The following PTPRG variants were observed in gnomAD, a reference collection of about 807,000 sequenced individuals.
The protein encoded by PTPRG is protein tyrosine phosphatase receptor type G.
In PTPRG, 102 loss-of-function variants were observed where a neutral mutation model predicts 165.3. That is an observed-to-expected ratio of 0.62 (90% CI 0.53 to 0.73). PTPRG has a LOEUF of 0.73. Among genes scored for constraint, PTPRG ranks in the 30% least tolerant of loss-of-function variants. The probability of loss-of-function intolerance (pLI) is 0.00; values close to 1 mark genes in which losing one functional copy is unlikely to be tolerated. For missense variants in PTPRG, 1,866 were observed against 1,861.4 expected (o/e 1.00, Z -0.05); for synonymous variants, 675 against 669.5 (o/e 1.01, Z -0.13).
chr3:62,157,250 TTC>T, intron 7 of PTPRG, 26 bp downstream of exon 7: 1 of 1,607,014 alleles, frequency 6.2e-7, no homozygotes, highest in East Asian at 2.2e-5. Context: ...CAAGTGGGGT[TTC>T]TGTGTTTACT....
chr3:61,575,140 A>G (rs1700146734), intron 1 of PTPRG, among the ~76,000 whole-genome samples: 1 of 152,322 alleles, frequency 6.6e-6, no homozygotes, highest in South Asian at 2.1e-4. Context: ...TTTTAGAAGA[A>G]CACGTCAGTT....
rs141752388 is a variant in PTPRG at position 61,921,701 on chromosome 3, T to A, written c.191-67924T>A. On this transcript the variant is annotated intron_variant, in intron 2 of 29. Transcript: ENST00000474889. ...CTCTCACATTTAGACTCAAGATTTC[T>A]AAGATATCTCATTATTTATTTGAAA... Among the ~76,000 whole-genome samples the A allele has an allele frequency of 6.5e-3, 997 of 152,332 alleles. 8 individuals are homozygous for A. Among genetic ancestry groups the A allele is most frequent in the African/African-American group, 0.022 (931 of 41,570 alleles).
intron 2 of PTPRG, among the ~76,000 whole-genome samples, chr3:61,754,062 A>C (rs1441308668): frequency 1.3e-5 from 2 of 152,152 alleles, no homozygotes; most frequent in Admixed American, 1.3e-4. Context: ...GTGTAGAAAT[A>C]GCTTCTAAGA....
chr3:61,916,619 TA>T (rs2038942281), intron 2 of PTPRG, among the ~76,000 whole-genome samples: 1 of 152,222 alleles, frequency 6.6e-6, no homozygotes, highest in African/African-American at 2.4e-5. Flanking sequence ...TTAAATCTGT[TA>T]TTGTTATTAT....
intron 1 of PTPRG, among the ~76,000 whole-genome samples, chr3:61,592,839 G>T (rs573298956): frequency 9.9e-5 from 15 of 152,218 alleles, no homozygotes; most frequent in Non-Finnish European, 1.9e-4. Flanking sequence ...TCCCATAAAA[G>T]CCGTGGGGCT....
At chr3:61,572,411 A>G (rs1700077035) in intron 1 of PTPRG, among the ~76,000 whole-genome samples, 1 of 152,294 alleles carries the variant, frequency 6.6e-6, no homozygotes, top group Non-Finnish European at 1.5e-5. Flanking sequence ...TAAAATGAGA[A>G]ACGAAGCTCG....
chr3:62,071,997 A>G (rs2106730953), intron 4 of PTPRG, among the ~76,000 whole-genome samples: 1 of 152,334 alleles, frequency 6.6e-6, no homozygotes, highest in East Asian at 1.9e-4. Context: ...CTTTCTATTC[A>G]TTCAACTTAA....
intron 15 of PTPRG, 25 bp downstream of exon 15, chr3:62,243,923 C>A: frequency 7.8e-7 from 1 of 1,277,982 alleles, no homozygotes; most frequent in Non-Finnish European, 1.1e-6. Flanking sequence ...GCTCTTATTT[C>A]CAATGGGCTA....
intron 2 of PTPRG, among the ~76,000 whole-genome samples, chr3:61,819,289 A>G (rs1394730664): frequency 6.6e-6 from 1 of 152,192 alleles, no homozygotes; most frequent in Non-Finnish European, 1.5e-5. Flanking sequence ...TGAAGGAACT[A>G]GTGGAGAACA....
At chr3:62,138,714 CAAAAAA>C (rs563632840) in intron 6 of PTPRG, among the ~76,000 whole-genome samples, 5 of 91,388 alleles carry the variant, frequency 5.5e-5, no homozygotes, top group East Asian at 3.5e-4. Flanking sequence ...GGCAAAGCTC[CAAAAAA>C]AAAAAAAAAA....
intron 12 of PTPRG, among the ~76,000 whole-genome samples, chr3:62,218,484 T>C (rs1400338125): frequency 1.3e-5 from 2 of 152,188 alleles, no homozygotes; most frequent in African/African-American, 4.8e-5. Context: ...CATTCCACCC[T>C]TGCTTCTTTG....
At chr3:61,655,854 T>C (rs1702495103) in intron 1 of PTPRG, among the ~76,000 whole-genome samples, 1 of 152,200 alleles carries the variant, frequency 6.6e-6, no homozygotes, top group African/African-American at 2.4e-5. Flanking sequence ...GCCATTCTCC[T>C]GTCTTGGCCA....
intron 2 of PTPRG, among the ~76,000 whole-genome samples, chr3:61,797,207 T>G (rs2035076026): frequency 6.6e-6 from 1 of 152,216 alleles, no homozygotes; most frequent in South Asian, 2.1e-4. Context: ...CCTTAAGGAT[T>G]AAACCATTTA....
At chr3:61,983,904 A>G (rs1425124285) in intron 2 of PTPRG, among the ~76,000 whole-genome samples, 1 of 152,144 alleles carries the variant, frequency 6.6e-6, no homozygotes, top group African/African-American at 2.4e-5. Context: ...TTTATATGAT[A>G]TTTGTTTGAA....
chr3:61,651,365 CTT>C (rs11372460), intron 1 of PTPRG, among the ~76,000 whole-genome samples: 2 of 147,594 alleles, frequency 1.4e-5, no homozygotes, highest in Non-Finnish European at 3.0e-5. Context: ...TGTTAATAAT[CTT>C]TTTTTTTTTT....
intron 7 of PTPRG, among the ~76,000 whole-genome samples, chr3:62,164,102 GACCGGTCAAAGACCCAGAAAGACACAAC>G (rs1704873737): frequency 6.6e-6 from 1 of 152,144 alleles, no homozygotes; most frequent in African/African-American, 2.4e-5. Flanking sequence ...CCAAACATCG[GACCGGTCAAAGACCCAGAAAGACACAAC>G]TTTGTCCGTA....
intron 1 of PTPRG, among the ~76,000 whole-genome samples, chr3:61,745,812 A>G (rs1051979545): frequency 6.6e-6 from 1 of 152,136 alleles, no homozygotes; most frequent in Non-Finnish European, 1.5e-5. Context: ...CTAGTACAAC[A>G]ATGGCCTTTT....
At chr3:61,985,102 A>C (rs909936756) in intron 2 of PTPRG, among the ~76,000 whole-genome samples, 3 of 152,214 alleles carry the variant, frequency 2.0e-5, no homozygotes, top group African/African-American at 7.2e-5. Flanking sequence ...CTGGGAACTT[A>C]CTCACTAAAT....
intron 2 of PTPRG, among the ~76,000 whole-genome samples, chr3:61,987,568 A>G (rs763406172): frequency 6.6e-6 from 1 of 152,142 alleles, no homozygotes; most frequent in Non-Finnish European, 1.5e-5. Flanking sequence ...ACTGTGTCCC[A>G]TATCATTTTT....
Sources: allele counts gnomAD v4.1 joint callset (sites outside exome capture counted in the v4.1 genomes callset), GRCh38; gene constraint gnomAD v4.1.1; transcripts MANE v1.5; gene names NCBI Gene and HGNC (gene_info 2026-07-23, HGNC 2026-07-21).